The following PIN4 variants were observed in gnomAD, a reference collection of about 807,000 sequenced individuals.
PIN4 encodes peptidyl-prolyl cis-trans isomerase NIMA-interacting 4.
In PIN4, 3 loss-of-function variants were observed where a neutral mutation model predicts 8.3. The ratio of observed to expected loss-of-function variants is 0.36; its 90% CI spans 0.16 to 0.93. The LOEUF (loss-of-function observed/expected upper bound fraction) is 0.93, where lower values mean the gene tolerates loss of function less well. PIN4 is among the 40% of genes least tolerant of loss of function. The pLI, the probability that PIN4 is intolerant of heterozygous loss-of-function variation, is 0.44. For missense variants in PIN4, 75 were observed against 100.6 expected (o/e 0.75, Z 1.09); for synonymous variants, 18 against 32.5 (o/e 0.55, Z 1.52).
At chrX:72,218,577 T>G (rs1277502110) in intron 3 of PIN4, among the ~76,000 whole-genome samples, 1 of 107,400 alleles carries the variant, frequency 9.3e-6, no homozygotes, top group Non-Finnish European at 1.9e-5. Context: ...CACTGCAACC[T>G]CTGCCTCCCA....
At chrX:72,198,992 T>C (rs1307447404), downstream of PIN4, 2 of 111,473 alleles carry the variant, frequency 1.8e-5, no homozygotes, top group African/African-American at 6.5e-5. Context: ...AGTAATGGGA[T>C]TGCACCTTTG....
chrX:72,190,498 C>T (rs2042726359), intron 2 of PIN4, among the ~76,000 whole-genome samples: 1 of 111,390 alleles, frequency 9.0e-6, no homozygotes, highest in Non-Finnish European at 1.9e-5. Flanking sequence ...GAAAAGATTT[C>T]CTTGAAAACG....
chrX:72,188,827 A>T (rs1487475383), intron 2 of PIN4, among the ~76,000 whole-genome samples: 2 of 111,949 alleles, frequency 1.8e-5, no homozygotes, highest in Non-Finnish European at 3.8e-5. Flanking sequence ...CACCTGGTGC[A>T]TGTGGCTTTA....
chrX:72,239,186 A>G (rs1569492635), intron 3 of PIN4: 2 of 355,908 alleles, frequency 5.6e-6, no homozygotes, highest in East Asian at 9.3e-5. Flanking sequence ...TGCCTTCGAG[A>G]CACGGAGTGT....
In PIN4 at chrX:72,191,507, C is replaced by T. The variant is rs377374525; in HGVS notation, c.117+4973C>T. 4.1e-4 allele frequency among the ~76,000 whole-genome samples: 45 copies of T among 109,905 alleles called. No homozygotes were observed. The East Asian group carries it at 5.2e-3, about 13-fold the overall frequency. ...CGGAGGTTGCAGTGAGCTGAGATTG[C>T]GCCACTGCACTCCAGCCTGGGCGAC... On this transcript the variant is annotated intron_variant, in intron 2 of 3. Transcript: ENST00000373669.
intron 3 of PIN4, chrX:72,239,089 AC>A: frequency 2.2e-6 from 1 of 448,441 alleles, no homozygotes; most frequent in Non-Finnish European, 3.7e-6. Context: ...CCAATCCGCG[AC>A]CACGCGCTGC....
chrX:72,206,859 A>G, intron 3 of PIN4: 1 of 1,211,745 alleles, frequency 8.3e-7, no homozygotes, highest in Non-Finnish European at 1.1e-6. Context: ...GCTGGGTTAC[A>G]GAGTTCTGAA....
exon 4 of PIN4, chrX:72,262,796 A>G: frequency 2.8e-6 from 3 of 1,070,674 alleles, no homozygotes; most frequent in Non-Finnish European, 3.8e-6. Context: ...CCACCCCTTA[A>G]AGTGGATTAT....
chrX:72,240,088 CAA>C (rs750258594), intron 3 of PIN4, among the ~76,000 whole-genome samples: 4 of 48,187 alleles, frequency 8.3e-5, no homozygotes, highest in Admixed American at 2.6e-4. Context: ...GACTCCATCT[CAA>C]AAAAAAAAAA....
intron 3 of PIN4, chrX:72,208,432 C>T (rs777548557): frequency 8.3e-7 from 1 of 1,211,507 alleles, no homozygotes; most frequent in Non-Finnish European, 1.1e-6. Flanking sequence ...TCTTCCATCC[C>T]TATACAGGCT....
chrX:72,186,601 A>G, intron 2 of PIN4, 67 bp downstream of exon 2: 1 of 698,357 alleles, frequency 1.4e-6, no homozygotes, highest in Non-Finnish European at 2.2e-6. Context: ...TACACATAAA[A>G]GACAGAATGC....
chrX:72,257,575 A>G (rs1209934886), intron 3 of PIN4, among the ~76,000 whole-genome samples: 1 of 111,585 alleles, frequency 9.0e-6, no homozygotes, highest in Non-Finnish European at 1.9e-5. Flanking sequence ...GATTCTGGAT[A>G]TATTTTGAAG....
At chrX:72,192,056 A>G (rs142327574) in intron 2 of PIN4, among the ~76,000 whole-genome samples, 3,065 of 110,487 alleles carry the variant, frequency 0.028, 128 homozygotes, top group African/African-American at 0.097. Flanking sequence ...GTTTCAAGCG[A>G]TTCTCCTGCT....
chrX:72,240,417 C>T (rs1387952785), intron 3 of PIN4, among the ~76,000 whole-genome samples: 3 of 111,826 alleles, frequency 2.7e-5, no homozygotes, highest in Non-Finnish European at 5.6e-5. Flanking sequence ...ATTTAGCATT[C>T]AGTATTGGAA....
intron 3 of PIN4, among the ~76,000 whole-genome samples, chrX:72,261,314 AAC>A (rs2043139313): frequency 9.2e-6 from 1 of 108,760 alleles, no homozygotes. Flanking sequence ...AAAAAAAAAA[AAC>A]CAAAATCTGG....
downstream of PIN4, among the ~76,000 whole-genome samples, chrX:72,202,947 G>A (rs1602433732): frequency 8.9e-6 from 1 of 111,860 alleles, no homozygotes; most frequent in Non-Finnish European, 1.9e-5. Flanking sequence ...GTATGCTAAT[G>A]ACATAGCTTG....
intron 3 of PIN4, among the ~76,000 whole-genome samples, chrX:72,232,167 AAAT>A (rs1480587020): frequency 9.1e-6 from 1 of 109,650 alleles, no homozygotes; most frequent in African/African-American, 3.3e-5. Flanking sequence ...AAATAAAATA[AAAT>A]AATGCCAAAG....
chrX:72,215,401 A>G (rs2042882346), intron 3 of PIN4, among the ~76,000 whole-genome samples: 1 of 112,223 alleles, frequency 8.9e-6, no homozygotes, highest in Non-Finnish European at 1.9e-5. Context: ...GAAAAAAACT[A>G]AACAAATATT....
chrX:72,185,154 A>AAAAAAAAAAC (rs1556391301), intron 1 of PIN4, among the ~76,000 whole-genome samples: 1 of 103,216 alleles, frequency 9.7e-6, no homozygotes, highest in Non-Finnish European at 2.0e-5. Context: ...TCTCAAAAAA[A>AAAAAAAAAAC]AAAAAAAAAA....
Sources: allele counts gnomAD v4.1 joint callset (sites outside exome capture counted in the v4.1 genomes callset), GRCh38; gene constraint gnomAD v4.1.1; transcripts MANE v1.5; gene names NCBI Gene and HGNC (gene_info 2026-07-23, HGNC 2026-07-21).